Variants in GRIK2 observed in about 807,000 individuals in gnomAD.
The protein encoded by GRIK2 is glutamate ionotropic receptor kainate type subunit 2, also known as glutamate receptor ionotropic, kainate 2.
Under a neutral mutation model 100.3 loss-of-function variants are expected in GRIK2, and 32 were observed. That is an observed-to-expected ratio of 0.32 (90% CI 0.24 to 0.43). The LOEUF is 0.43. Ranked by LOEUF, GRIK2 falls within the 20% of genes least tolerant of loss-of-function variation. The pLI is 1.00. For synonymous variants in GRIK2, 417 were observed against 389.4 expected (o/e 1.07, Z -0.83); for missense variants, 843 against 1,114.9 (o/e 0.76, Z 3.47).
At chr6:102,035,264 T>C (rs1420897188) in intron 14 of GRIK2, 77 bp from the exon 15 acceptor site, 6 of 649,724 alleles carry the variant, frequency 9.2e-6, no homozygotes, top group Non-Finnish European at 1.6e-5. Context: ...TGTAGTTCAT[T>C]GTGTCTAAGC....
intron 2 of GRIK2, among the ~76,000 whole-genome samples, chr6:101,519,736 C>A (rs1167664167): frequency 6.6e-6 from 1 of 152,000 alleles, no homozygotes; most frequent in Non-Finnish European, 1.5e-5. Flanking sequence ...TAAATTGTAA[C>A]TGTACATATG....
intron 14 of GRIK2, among the ~76,000 whole-genome samples, chr6:101,962,159 C>T (rs1426592190): frequency 6.6e-6 from 1 of 152,122 alleles, no homozygotes; most frequent in Non-Finnish European, 1.5e-5. Flanking sequence ...CTTCAGGGGT[C>T]AATCTCTGCC....
intron 7 of GRIK2, among the ~76,000 whole-genome samples, chr6:101,728,854 A>G (rs1274037134): frequency 1.3e-5 from 2 of 152,096 alleles, no homozygotes; most frequent in Non-Finnish European, 2.9e-5. Flanking sequence ...GGCTATAAAA[A>G]GTAAGAGTCA....
intron 7 of GRIK2, among the ~76,000 whole-genome samples, chr6:101,773,612 A>G (rs903186544): frequency 1.3e-5 from 2 of 152,260 alleles, no homozygotes; most frequent in Admixed American, 6.5e-5. Flanking sequence ...ACTCTGTCCC[A>G]TCTAAATTGA....
intron 7 of GRIK2, among the ~76,000 whole-genome samples, chr6:101,762,453 C>T (rs1231049680): frequency 6.6e-6 from 1 of 151,982 alleles, no homozygotes. Context: ...TTTCCTGACA[C>T]CGGTATCTCC....
At chr6:101,558,665 G>GCTT (rs1216389757) in intron 2 of GRIK2, among the ~76,000 whole-genome samples, 1 of 62,274 alleles carries the variant, frequency 1.6e-5, no homozygotes, top group Non-Finnish European at 3.2e-5. Flanking sequence ...CCTCCCCTTT[G>GCTT]CTTCTTTTTT....
chr6:102,063,464 T>C (rs1212728194), intron 16 of GRIK2, among the ~76,000 whole-genome samples: 1 of 150,722 alleles, frequency 6.6e-6, no homozygotes, highest in African/African-American at 2.4e-5. Context: ...TCAGATACTG[T>C]TTTTCAAAAA....
chr6:102,032,243 T>C lies in GRIK2; in HGVS notation c.2086-3098T>C, dbSNP rs12175380. Among the ~76,000 whole-genome samples the C allele has an allele frequency of 7.9e-5, 12 of 151,238 alleles. No homozygotes were observed. In the East Asian group the frequency reaches 2.3e-3, roughly 30 times the overall value. On this transcript the variant is annotated intron_variant, in intron 14 of 16. Coordinates refer to ENST00000369134, the MANE Select transcript of GRIK2 (RefSeq NM_021956.5). The stretch of plus-strand genomic sequence containing the variant: ...TCCTTGATGATTACCTTTCAAAGGG[T>C]TGGGTCCAGGCCCTTTAGAAAGACA...
chr6:101,649,951 C>T (rs1781709431), intron 4 of GRIK2, among the ~76,000 whole-genome samples: 1 of 152,048 alleles, frequency 6.6e-6, no homozygotes, highest in South Asian at 2.1e-4. Context: ...CAGATGATCC[C>T]TTTTTCCATC....
intron 2 of GRIK2, among the ~76,000 whole-genome samples, chr6:101,453,370 A>G (rs1770818003): frequency 1.3e-5 from 2 of 151,958 alleles, no homozygotes; most frequent in African/African-American, 4.8e-5. Context: ...ATGAGTTTGG[A>G]ATTGCCAGCT....
intron 6 of GRIK2, among the ~76,000 whole-genome samples, chr6:101,684,447 C>T (rs1771523383): frequency 2.6e-5 from 4 of 152,156 alleles, no homozygotes; most frequent in Admixed American, 2.6e-4. Context: ...TGATGTGGAT[C>T]AGTCTCCTGA....
At chr6:101,985,377 T>C (rs1238548015) in intron 14 of GRIK2, among the ~76,000 whole-genome samples, 3 of 151,780 alleles carry the variant, frequency 2.0e-5, no homozygotes, top group Non-Finnish European at 4.4e-5. Context: ...ATGATAAAGT[T>C]TCACCTCCTT....
intron 2 of GRIK2, among the ~76,000 whole-genome samples, chr6:101,546,953 C>T (rs1419535103): frequency 4.0e-5 from 6 of 148,226 alleles, no homozygotes; most frequent in Non-Finnish European, 7.5e-5. Context: ...GCCTCAGCCT[C>T]CCAAGTAGCT....
chr6:101,642,745 A>G (rs1346247391), intron 4 of GRIK2, among the ~76,000 whole-genome samples: 2 of 151,812 alleles, frequency 1.3e-5, no homozygotes, highest in East Asian at 3.9e-4. Flanking sequence ...TCTTTTCAGT[A>G]TATACCCAGA....
intron 3 of GRIK2, among the ~76,000 whole-genome samples, chr6:101,622,391 T>G (rs1344666179): frequency 6.6e-6 from 1 of 151,712 alleles, no homozygotes; most frequent in Non-Finnish European, 1.5e-5. Context: ...ATTCCTATTT[T>G]TAAGAACCCA....
At chr6:101,601,664 TTG>T (rs1779218632) in intron 2 of GRIK2, among the ~76,000 whole-genome samples, 1 of 151,780 alleles carries the variant, frequency 6.6e-6, no homozygotes, top group South Asian at 2.1e-4. Flanking sequence ...TCTTGGGAGG[TTG>T]TGTGTTTTCA....
chr6:101,667,715 C>T (rs949825202), intron 4 of GRIK2, among the ~76,000 whole-genome samples: 5 of 151,934 alleles, frequency 3.3e-5, no homozygotes, highest in Admixed American at 6.6e-5. Flanking sequence ...TGTTACAAAG[C>T]GTGGAAGGGC....
intron 3 of GRIK2, among the ~76,000 whole-genome samples, chr6:101,624,274 G>A (rs1300001099): frequency 6.6e-6 from 1 of 151,972 alleles, no homozygotes; most frequent in Admixed American, 6.6e-5. Flanking sequence ...CTTGGTTTGT[G>A]ATTTGTCACA....
intron 7 of GRIK2, among the ~76,000 whole-genome samples, chr6:101,760,718 ATATT>A (rs1363259900): frequency 2.0e-5 from 2 of 101,976 alleles, no homozygotes; most frequent in Non-Finnish European, 3.4e-5. Flanking sequence ...ATATTTAATT[ATATT>A]TAATTATATA....
Sources: allele counts gnomAD v4.1 joint callset (sites outside exome capture counted in the v4.1 genomes callset), GRCh38; gene constraint gnomAD v4.1.1; transcripts MANE v1.5; gene names NCBI Gene and HGNC (gene_info 2026-07-23, HGNC 2026-07-21).